The following FMNL2 variants were observed in gnomAD, a reference collection of about 807,000 sequenced individuals.
FMNL2 encodes formin like 2.
FMNL2 carries 51 observed loss-of-function variants against 130.2 expected under a neutral mutation model. That is an observed-to-expected ratio of 0.39 (90% CI 0.31 to 0.49). FMNL2 has a LOEUF of 0.49. FMNL2 is among the 20% of genes least tolerant of loss of function. The pLI, the probability that FMNL2 is intolerant of heterozygous loss-of-function variation, is 0.85. For synonymous variants in FMNL2, 465 were observed against 467.1 expected (o/e 1.00, Z 0.06); for missense variants, 977 against 1,316.2 (o/e 0.74, Z 3.99).
chr2:152,601,676 T>TC (rs1698079101), intron 9 of FMNL2, among the ~76,000 whole-genome samples: 1 of 145,914 alleles, frequency 6.9e-6, no homozygotes, highest in African/African-American at 2.6e-5. Context: ...TCTTTCTTTT[T>TC]TTTTTTTTTT....
At chr2:152,542,280 T>G (rs988622184) in intron 2 of FMNL2, among the ~76,000 whole-genome samples, 2 of 152,240 alleles carry the variant, frequency 1.3e-5, no homozygotes, top group African/African-American at 4.8e-5. Context: ...AGTCAAATCT[T>G]TTGTTATTTT....
chr2:152,540,834 A>C (rs1399439152), intron 2 of FMNL2, among the ~76,000 whole-genome samples: 1 of 152,176 alleles, frequency 6.6e-6, no homozygotes, highest in African/African-American at 2.4e-5. Flanking sequence ...TAAAACTTAA[A>C]GTATAATTAA....
chr2:152,559,998 T>C (rs1022100339), intron 5 of FMNL2, among the ~76,000 whole-genome samples: 3 of 152,194 alleles, frequency 2.0e-5, no homozygotes, highest in African/African-American at 7.2e-5. Flanking sequence ...TTTTGGCAGT[T>C]ATACTTTTAT....
intron 1 of FMNL2, among the ~76,000 whole-genome samples, chr2:152,486,025 A>G (rs1408778311): frequency 1.3e-5 from 2 of 152,206 alleles, no homozygotes; most frequent in South Asian, 2.1e-4. Flanking sequence ...GCTTGATTTC[A>G]TGGAAAGGAC....
intron 1 of FMNL2, among the ~76,000 whole-genome samples, chr2:152,441,147 C>T (rs1249458322): frequency 6.6e-6 from 1 of 152,122 alleles, no homozygotes; most frequent in African/African-American, 2.4e-5. Context: ...TTTATTCAAC[C>T]TGCTTATTTT....
chr2:152,384,337 A>G (rs1684663550), intron 1 of FMNL2, among the ~76,000 whole-genome samples: 2 of 152,190 alleles, frequency 1.3e-5, no homozygotes, highest in African/African-American at 4.8e-5. Context: ...TCCTCACTCC[A>G]GAGTCTGGAT....
chr2:152,394,330 T>C (rs1685280161), intron 1 of FMNL2, among the ~76,000 whole-genome samples: 1 of 152,178 alleles, frequency 6.6e-6, no homozygotes, highest in Admixed American at 6.5e-5. Context: ...CTAAATTTAA[T>C]TTTTTTGCAA....
chr2:152,558,664 C>T, intron 4 of FMNL2, 76 bp from the exon 5 acceptor site: 2 of 1,377,742 alleles, frequency 1.5e-6, no homozygotes, highest in South Asian at 1.2e-5. Flanking sequence ...AAAAACAAAA[C>T]TTTGCATTGT....
At chr2:152,451,372 A>G (rs1688639411) in intron 1 of FMNL2, among the ~76,000 whole-genome samples, 3 of 151,604 alleles carry the variant, frequency 2.0e-5, no homozygotes, top group Admixed American at 2.0e-4. Flanking sequence ...CTGGTCTCGA[A>G]CTCCTGACCT....
At position 152,617,056 on chromosome 2, in the gene FMNL2, T is replaced by C. The variant is rs200781230; in HGVS notation, c.1213-35T>C. On this transcript the variant is annotated intron_variant, in intron 12 of 25. Transcript: ENST00000288670. ...AACTGAGGGCTGATCAAGATGATCC[T>C]GTATTGTGACAGCTTTCTTTTCAAA... 6.3e-5 allele frequency: 99 copies of C among 1,583,348 alleles called. No homozygotes were observed. The East Asian group carries it at 2.2e-3, about 35-fold the overall frequency.
At chr2:152,480,171 G>C (rs1029861802) in intron 1 of FMNL2, among the ~76,000 whole-genome samples, 1 of 152,138 alleles carries the variant, frequency 6.6e-6, no homozygotes, top group African/African-American at 2.4e-5. Context: ...GCCTTAGCAG[G>C]CAGGCTGAAG....
chr2:152,506,149 G>A (rs1692158059), intron 1 of FMNL2, among the ~76,000 whole-genome samples: 1 of 152,128 alleles, frequency 6.6e-6, no homozygotes, highest in Non-Finnish European at 1.5e-5. Context: ...TCGTTTTTAT[G>A]ATAAAAATTT....
At chr2:152,539,860 T>C (rs558269038) in intron 2 of FMNL2, among the ~76,000 whole-genome samples, 2 of 152,158 alleles carry the variant, frequency 1.3e-5, no homozygotes, top group Non-Finnish European at 2.9e-5. Flanking sequence ...CTCCACCAAA[T>C]TTTATTATTG....
At chr2:152,615,926 T>G (rs1479640750) in intron 12 of FMNL2, among the ~76,000 whole-genome samples, 1 of 152,168 alleles carries the variant, frequency 6.6e-6, no homozygotes, top group Non-Finnish European at 1.5e-5. Context: ...TGGCTGTGGG[T>G]AAGCCAAGTT....
At chr2:152,501,603 G>A (rs576563201) in intron 1 of FMNL2, among the ~76,000 whole-genome samples, 274 of 152,312 alleles carry the variant, frequency 1.8e-3, no homozygotes, top group Admixed American at 3.5e-3. Flanking sequence ...TTGGGTGAGA[G>A]GGTCTCAGGA....
At chr2:152,647,600 C>T (rs912209033) in intron 25 of FMNL2, among the ~76,000 whole-genome samples, 196 bp from the exon 26 acceptor site, 4 of 152,182 alleles carry the variant, frequency 2.6e-5, no homozygotes, top group Admixed American at 2.6e-4. Context: ...ACCAGTATTA[C>T]ATCCTGTTTT....
chr2:152,533,943 C>A (rs1260145902), intron 2 of FMNL2, among the ~76,000 whole-genome samples: 1 of 152,134 alleles, frequency 6.6e-6, no homozygotes, highest in Non-Finnish European at 1.5e-5. Flanking sequence ...CCTCCCACCA[C>A]TTCATTTATG....
At chr2:152,467,679 C>G (rs1371111782) in intron 1 of FMNL2, among the ~76,000 whole-genome samples, 3 of 152,138 alleles carry the variant, frequency 2.0e-5, no homozygotes, top group Non-Finnish European at 4.4e-5. Flanking sequence ...TGATTGCCAT[C>G]TTCATAGTGA....
intron 1 of FMNL2, among the ~76,000 whole-genome samples, chr2:152,512,023 T>C (rs2105363685): frequency 6.6e-6 from 1 of 152,330 alleles, no homozygotes; most frequent in Non-Finnish European, 1.5e-5. Context: ...CGATGCATTT[T>C]GGTCTGTGCC....
Sources: allele counts gnomAD v4.1 joint callset (sites outside exome capture counted in the v4.1 genomes callset), GRCh38; gene constraint gnomAD v4.1.1; transcripts MANE v1.5; gene names NCBI Gene and HGNC (gene_info 2026-07-23, HGNC 2026-07-21).